SPATC1L: variants seen among roughly 807,000 people sequenced by gnomAD.
SPATC1L encodes the protein speriolin-like protein.
In SPATC1L, 20 loss-of-function variants were observed where a neutral mutation model predicts 21.2. That is an observed-to-expected ratio of 0.94 (90% CI 0.66 to 1.37). The LOEUF (loss-of-function observed/expected upper bound fraction) is 1.37. SPATC1L is among the 40% of genes most tolerant of loss of function. SPATC1L has a pLI of 0.00. For synonymous variants in SPATC1L, 290 were observed against 234.5 expected (o/e 1.24, Z -2.16); for missense variants, 499 against 478.7 (o/e 1.04, Z -0.40).
intron 3 of SPATC1L, among the ~76,000 whole-genome samples, chr21:46,163,836 G>A (rs1460233923): frequency 6.6e-6 from 1 of 152,026 alleles, no homozygotes. Context: ...ACTTCTATAT[G>A]AATTTCAGTT....
rs745365276 is a variant in SPATC1L at position 46,182,722 on chromosome 21, C to T, written c.95G>A (p.Arg32Gln). 19 of 1,546,986 alleles carry T rather than the reference C, an allele frequency of 1.2e-5. No homozygotes were observed. Among genetic ancestry groups the T allele is most frequent in the Non-Finnish European group, 1.4e-5 (16 of 1,146,696 alleles). Residue 32 changes from arginine to glutamine, a missense_variant, in exon 2 of 5, where the codon CGG becomes CAG. Arg to Gln is a conservative substitution (Grantham distance 43). Coordinates refer to ENST00000291672, the MANE Select transcript of SPATC1L (RefSeq NM_001142854.2). ...CTGGCAGCTCTGGCTGAGCAGCCGC[C>T]GCAGCATCTGATTCTCCTTCAGGAG... ...VRLLKENQML[R>Q]RLLSQSCQEG...
At chr21:46,171,192 G>C (rs891787535) in intron 2 of SPATC1L, among the ~76,000 whole-genome samples, 4 of 152,240 alleles carry the variant, frequency 2.6e-5, no homozygotes, top group Non-Finnish European at 5.9e-5. Flanking sequence ...ATGAGGTCAT[G>C]TGGCATTTCC....
At chr21:46,166,494 T>TA (rs141854531) in intron 3 of SPATC1L, among the ~76,000 whole-genome samples, 16,136 of 146,788 alleles carry the variant, frequency 0.11, 1,487 homozygotes, top group African/African-American at 0.26. Flanking sequence ...GCTGAATGGA[T>TA]AAAAAAAAAA....
chr21:46,164,837 C>T (rs78899371), intron 3 of SPATC1L, among the ~76,000 whole-genome samples: 15,124 of 150,320 alleles, frequency 0.1, 1,331 homozygotes, highest in African/African-American at 0.24. Flanking sequence ...TCCCATCCCC[C>T]CACCAAGGCA....
At chr21:46,162,169 C>T (rs2079504120) in intron 3 of SPATC1L, 102 bp from the exon 4 acceptor site, 5 of 1,284,206 alleles carry the variant, frequency 3.9e-6, no homozygotes, top group Non-Finnish European at 5.3e-6. Flanking sequence ...CACCCCCCTC[C>T]TCCCACCTGC....
At chr21:46,170,905 G>T (rs1169863429) in intron 2 of SPATC1L, among the ~76,000 whole-genome samples, 1 of 148,868 alleles carries the variant, frequency 6.7e-6, no homozygotes, top group Admixed American at 6.6e-5. Context: ...TCTGTGGATG[G>T]GGAGGAGCCT....
chr21:46,178,475 G>T (rs917458400), intron 2 of SPATC1L, among the ~76,000 whole-genome samples: 1 of 152,136 alleles, frequency 6.6e-6, no homozygotes, highest in East Asian at 1.9e-4. Flanking sequence ...GAATAATAAC[G>T]AATGTACTAG....
rs1177358591 is a variant in SPATC1L, at chr21:46,167,705, G to A, written c.544+603C>T. On this transcript the variant is annotated intron_variant, in intron 3 of 4. Coordinates refer to ENST00000291672, the MANE Select transcript of SPATC1L (RefSeq NM_001142854.2). ...TAGCCAGGCCTGGTGGCATACACCT[G>A]TAGTCCCAGATACCTGGGAGGCTGA... 3.3e-5 allele frequency among the ~76,000 whole-genome samples: 5 copies of A among 152,202 alleles called. No individual in the cohort carries two copies. In the East Asian group the frequency reaches 9.6e-4, roughly 29 times the overall value.
intron 2 of SPATC1L, among the ~76,000 whole-genome samples, chr21:46,171,504 T>C (rs1036568752): frequency 1.4e-4 from 21 of 151,450 alleles, no homozygotes; most frequent in Admixed American, 1.3e-3. Flanking sequence ...GGAAAAAAAG[T>C]TCGAAAGAAG....
intron 3 of SPATC1L, among the ~76,000 whole-genome samples, chr21:46,165,322 T>G (rs1403069606): frequency 6.6e-6 from 1 of 152,256 alleles, no homozygotes; most frequent in African/African-American, 2.4e-5. Context: ...GTAAAGAATC[T>G]TATCATGATT....
At chr21:46,167,580 CG>C (rs2079550281) in intron 3 of SPATC1L, among the ~76,000 whole-genome samples, 1 of 151,984 alleles carries the variant, frequency 6.6e-6, no homozygotes, top group African/African-American at 2.4e-5. Flanking sequence ...TTTGGGAGGC[CG>C]AGGCAGGCGA....
intron 2 of SPATC1L, among the ~76,000 whole-genome samples, chr21:46,179,994 G>A (rs1229227090): frequency 6.6e-6 from 1 of 152,222 alleles, no homozygotes; most frequent in East Asian, 1.9e-4. Flanking sequence ...TGGGGTGTAG[G>A]GACCGTTCAG....
chr21:46,161,355 G>A lies in SPATC1L; in HGVS notation c.*24C>T. On this transcript the variant is annotated 3_prime_UTR_variant, in exon 5 of 5. Transcript: ENST00000291672. ...GTTGGAACAAACGCGTTTACTGCAG[G>A]CAAGGCGGCGGGCGCGGGGCGGCTC... 2 of 1,491,376 alleles carry A rather than the reference G, an allele frequency of 1.3e-6. No homozygotes were observed. The highest frequency in any genetic ancestry group is 1.8e-6 in the Non-Finnish European group (2 of 1,125,834). 92.4% of individuals were successfully genotyped at this position (1,491,376 alleles called of 1,614,324 possible).
In SPATC1L at chr21:46,174,339, CA is replaced by C. The variant is rs1555887744; in HGVS notation, c.194-5682del. On this transcript the variant is annotated intron_variant, in intron 2 of 4. Transcript: ENST00000291672. The stretch of plus-strand genomic sequence containing the variant: ...CAGAGCAAGACTCTGTCTCAAAAAA[CA>C]AAACAAAAAAAAAAAAAAAACAGAA... Among the ~76,000 whole-genome samples the C allele has an allele frequency of 8.7e-4, 106 of 121,512 alleles. 1 individual carries two copies. Among genetic ancestry groups the C allele is most frequent in the Middle Eastern group, 4.3e-3 (1 of 234 alleles). The allele number at this position is 121,512 out of a possible 152,430, so 79.7% of individuals were successfully genotyped here. A position where few individuals can be genotyped will look rare whatever the true frequency, so the allele number is the denominator to read the frequency against.
At chr21:46,172,221 C>T (rs1411441041) in intron 2 of SPATC1L, among the ~76,000 whole-genome samples, 9 of 144,968 alleles carry the variant, frequency 6.2e-5, no homozygotes, top group African/African-American at 2.4e-4. Context: ...GGGGGTTGTG[C>T]AGAGCACAAA....
Position 46,168,671 on chromosome 21 carries a change from G to T in SPATC1L, c.194-13C>A. 1 of 1,354,608 alleles carries T rather than the reference G, an allele frequency of 7.4e-7. No individual in the cohort carries two copies. Among genetic ancestry groups the T allele is most frequent in the Non-Finnish European group, 9.6e-7 (1 of 1,039,860 alleles). 83.9% of individuals were successfully genotyped at this position (1,354,608 alleles called of 1,614,324 possible). ...CCGAAATCTGGAACTGAGGCGGGGA[G>T]GAAAGGGATGAGAAATCAGGCTGAT... On this transcript the variant is annotated splice_polypyrimidine_tract_variant and intron_variant, in intron 2 of 4. Coordinates refer to ENST00000291672, the MANE Select transcript of SPATC1L (RefSeq NM_001142854.2).
At chr21:46,173,133 T>G (rs1295013615) in intron 2 of SPATC1L, among the ~76,000 whole-genome samples, 1 of 152,174 alleles carries the variant, frequency 6.6e-6, no homozygotes, top group African/African-American at 2.4e-5. Flanking sequence ...ACAGGAGACT[T>G]TGGACCTAGG....
At chr21:46,162,105 G>T in intron 3 of SPATC1L, 38 bp from the exon 4 acceptor site, 3 of 1,525,820 alleles carry the variant, frequency 2.0e-6, no homozygotes, top group Non-Finnish European at 2.6e-6. Context: ...TCAGGGGAGC[G>T]CGAGGATCCA....
Position 46,161,526 on chromosome 21 carries a change from G to C in SPATC1L, c.876C>G (p.Arg292=), listed in dbSNP as rs550244377. ...CCGGGCTGCTGTGCAGGGGGTTGGCGCGCAGGTCGGGCCGCTGCTTCAGGA... is the reference window on the plus strand; with the variant it reads ...CCGGGCTGCTGTGCAGGGGGTTGGCCCGCAGGTCGGGCCGCTGCTTCAGGA... The part of the protein sequence containing the change: ...YGILKQRPDL[R]ANPLHSSPAA... Residue 292 remains arginine (R), a synonymous_variant, in exon 5 of 5, where the codon CGC becomes CGG. Coordinates refer to ENST00000291672, the MANE Select transcript of SPATC1L (RefSeq NM_001142854.2). 1.6e-5 allele frequency: 26 copies of C among 1,610,204 alleles called. No individual in the cohort carries two copies. In the South Asian group the frequency reaches 2.3e-4, roughly 14 times the overall value.
Sources: allele counts gnomAD v4.1 joint callset (sites outside exome capture counted in the v4.1 genomes callset), GRCh38; gene constraint gnomAD v4.1.1; transcripts MANE v1.5; gene names NCBI Gene and HGNC (gene_info 2026-07-23, HGNC 2026-07-21).